Variants in ENOX1 observed in about 807,000 individuals in gnomAD.
ENOX1 encodes the protein ecto-NOX disulfide-thiol exchanger 1.
ENOX1 carries 42 observed loss-of-function variants against 82.5 expected under a neutral mutation model. The observed-to-expected ratio is 0.51, with a 90% CI of 0.40 to 0.66. The LOEUF is 0.66. Ranked by LOEUF, ENOX1 falls within the 30% of genes least tolerant of loss-of-function variation. The probability of loss-of-function intolerance (pLI) is 0.00; values close to 1 mark genes in which losing one functional copy is unlikely to be tolerated. For missense variants in ENOX1, 608 were observed against 811.6 expected (o/e 0.75, Z 3.05); for synonymous variants, 271 against 282.2 (o/e 0.96, Z 0.40).
At chr13:43,285,664 G>A (rs755792352) in intron 12 of ENOX1, among the ~76,000 whole-genome samples, 2 of 151,914 alleles carry the variant, frequency 1.3e-5, no homozygotes, top group Non-Finnish European at 2.9e-5. Context: ...AAATTAGCTA[G>A]GCATGGTGGC....
At chr13:43,451,125 T>A (rs1271324029) in intron 3 of ENOX1, among the ~76,000 whole-genome samples, 13 of 152,190 alleles carry the variant, frequency 8.5e-5, no homozygotes, top group Non-Finnish European at 1.6e-4. Flanking sequence ...ATGAAGGGTC[T>A]TCTCTCTGGC....
chr13:43,770,731 G>C (rs1014760958), intron 1 of ENOX1, among the ~76,000 whole-genome samples: 6 of 148,900 alleles, frequency 4.0e-5, no homozygotes, highest in African/African-American at 1.5e-4. Context: ...ACAGACTCAA[G>C]AGATATGCCT....
intron 1 of ENOX1, among the ~76,000 whole-genome samples, chr13:43,731,960 G>A (rs1313931882): frequency 6.6e-6 from 1 of 152,168 alleles, no homozygotes; most frequent in Admixed American, 6.5e-5. Flanking sequence ...AAGTTTCACA[G>A]GTGAGAGTTA....
chr13:43,658,099 G>A (rs1204051600), intron 2 of ENOX1, among the ~76,000 whole-genome samples: 1 of 152,110 alleles, frequency 6.6e-6, no homozygotes, highest in Admixed American at 6.5e-5. Flanking sequence ...ATCAAGAATT[G>A]TGTTCAGCCA....
intron 2 of ENOX1, among the ~76,000 whole-genome samples, chr13:43,664,848 A>G (rs1416983466): frequency 2.0e-5 from 3 of 152,198 alleles, no homozygotes; most frequent in Non-Finnish European, 2.9e-5. Context: ...CTTAGGACTA[A>G]TGTCAGAAAA....
At chr13:43,496,752 A>G (rs1272751717) in intron 2 of ENOX1, among the ~76,000 whole-genome samples, 2 of 152,158 alleles carry the variant, frequency 1.3e-5, no homozygotes, top group African/African-American at 4.8e-5. Flanking sequence ...TTACTGTATA[A>G]GTCTGTGTCT....
At chr13:43,742,844 G>T (rs527545830) in intron 1 of ENOX1, among the ~76,000 whole-genome samples, 29 of 152,240 alleles carry the variant, frequency 1.9e-4, no homozygotes, top group African/African-American at 5.1e-4. Flanking sequence ...TAATATTTTT[G>T]ATTTTTCAGT....
chr13:43,412,721 C>T, intron 4 of ENOX1, 124 bp downstream of exon 4: 1 of 1,068,834 alleles, frequency 9.4e-7, no homozygotes, highest in Non-Finnish European at 1.3e-6. Context: ...ACTAGTTCTA[C>T]AGACTGATTT....
At chr13:43,308,289 T>C (rs1215499740) in intron 11 of ENOX1, among the ~76,000 whole-genome samples, 4 of 152,180 alleles carry the variant, frequency 2.6e-5, no homozygotes, top group African/African-American at 4.8e-5. Context: ...TCACTTCTCC[T>C]TTCTTTGCTC....
intron 2 of ENOX1, among the ~76,000 whole-genome samples, chr13:43,569,776 G>A (rs1164831147): frequency 3.3e-5 from 5 of 151,944 alleles, no homozygotes; most frequent in African/African-American, 4.8e-5. Context: ...ACTACACCAC[G>A]ATGTTTCTAA....
At chr13:43,378,676 C>G (rs1380061679) in intron 5 of ENOX1, among the ~76,000 whole-genome samples, 1 of 152,126 alleles carries the variant, frequency 6.6e-6, no homozygotes, top group Non-Finnish European at 1.5e-5. Flanking sequence ...TCAAAAGGTT[C>G]AACTGCTTCC....
At chr13:43,633,271 T>C (rs1412107657) in intron 2 of ENOX1, among the ~76,000 whole-genome samples, 6 of 152,192 alleles carry the variant, frequency 3.9e-5, no homozygotes. Context: ...ATGGGTAAAA[T>C]AGGCATTTTC....
intron 3 of ENOX1, among the ~76,000 whole-genome samples, chr13:43,471,229 G>C (rs1410718769): frequency 2.0e-5 from 3 of 152,062 alleles, no homozygotes; most frequent in African/African-American, 7.2e-5. Context: ...AGAGTATATA[G>C]AGTATGGTTC....
intron 1 of ENOX1, among the ~76,000 whole-genome samples, chr13:43,770,009 A>C (rs940111904): frequency 6.6e-6 from 1 of 152,218 alleles, no homozygotes; most frequent in Non-Finnish European, 1.5e-5. Flanking sequence ...ATTTACCCAA[A>C]TGAGATAATT....
chr13:43,470,417 T>TAC (rs1189017192), intron 3 of ENOX1, among the ~76,000 whole-genome samples: 1 of 132,150 alleles, frequency 7.6e-6, no homozygotes, highest in Non-Finnish European at 1.6e-5. Flanking sequence ...TATATATATA[T>TAC]AACAGAGATA....
chr13:43,503,821 A>G (rs2077059123), intron 2 of ENOX1, among the ~76,000 whole-genome samples: 1 of 151,778 alleles, frequency 6.6e-6, no homozygotes, highest in Non-Finnish European at 1.5e-5. Flanking sequence ...AGGACAGGCA[A>G]CAAGAGCAAG....
intron 14 of ENOX1, among the ~76,000 whole-genome samples, chr13:43,252,129 G>A (rs902967266): frequency 7.9e-5 from 12 of 152,058 alleles, no homozygotes; most frequent in South Asian, 2.1e-4. Flanking sequence ...GCTCACCAGC[G>A]TACACTGAAC....
At position 43,579,940 on chromosome 13, in the gene ENOX1, T is replaced by C. The variant is rs1593922245; in HGVS notation, c.-219+87539A>G. ...CAGTAGGAAAGAGTTCAAGGTGTTC[T>C]TCCAGATGCCCACCAATACAGCCAG... is the stretch of plus-strand genomic sequence containing the variant. On this transcript the variant is annotated intron_variant, in intron 2 of 16. Transcript: ENST00000690772. Among the ~76,000 whole-genome samples, 2 of 152,152 alleles carry C rather than the reference T, an allele frequency of 1.3e-5. 1 individual carries two copies. Among genetic ancestry groups the C allele is most frequent in the Middle Eastern group, 6.3e-3 (2 of 316 alleles).
In ENOX1 at chr13:43,604,569, T is replaced by C. The variant is rs191662135; in HGVS notation, c.-219+62910A>G. On this transcript the variant is annotated intron_variant, in intron 2 of 16. Coordinates refer to ENST00000690772, the MANE Select transcript of ENOX1 (RefSeq NM_001347969.2). Reference sequence around the variant, plus strand: ...TTATCAAATGCTTATTCAGCATCAATTGAAATGATCATATAGTTTTTATCC... The same window carrying C: ...TTATCAAATGCTTATTCAGCATCAACTGAAATGATCATATAGTTTTTATCC... 6.8e-3 allele frequency among the ~76,000 whole-genome samples: 1,029 copies of C among 152,332 alleles called. 8 individuals carry two copies. The highest frequency in any genetic ancestry group is 0.037 in the Middle Eastern group (11 of 294).
Sources: gnomAD v4.1 joint callset for allele counts (sites outside exome capture counted in the v4.1 genomes callset) on GRCh38, gnomAD v4.1.1 for gene constraint, MANE v1.5 for transcripts, NCBI Gene and HGNC (gene_info 2026-07-23, HGNC 2026-07-21) for gene names.